PHF20: variants seen among roughly 807,000 people sequenced by gnomAD.
PHF20 encodes PHD finger protein 20.
In PHF20, 23 loss-of-function variants were observed where a neutral mutation model predicts 113.5. That is an observed-to-expected ratio of 0.20 (90% CI 0.15 to 0.29). PHF20 has a LOEUF of 0.29. Among genes scored for constraint, PHF20 ranks in the 10% least tolerant of loss-of-function variants. The pLI is 1.00. For synonymous variants in PHF20, 434 were observed against 457.3 expected, an observed-to-expected ratio of 0.95 and a Z score of 0.65; for missense variants, 943 against 1,219.6, an observed-to-expected ratio of 0.77 and a Z score of 3.38.
At chr20:35,834,217 A>G (rs2042400472) in intron 2 of PHF20, among the ~76,000 whole-genome samples, 4 of 147,116 alleles carry the variant, frequency 2.7e-5, no homozygotes, top group Admixed American at 2.7e-4. Flanking sequence ...GTTATGGGAT[A>G]TAGGCAGGCT....
At chr20:35,829,722 C>T (rs1177462398) in intron 2 of PHF20, among the ~76,000 whole-genome samples, 1 of 151,818 alleles carries the variant, frequency 6.6e-6, no homozygotes, top group African/African-American at 2.4e-5. Context: ...TAGCCGTGCG[C>T]CATGGCTCAT....
intron 13 of PHF20, among the ~76,000 whole-genome samples, chr20:35,919,625 T>C (rs954652694): frequency 1.3e-5 from 2 of 152,196 alleles, no homozygotes; most frequent in Non-Finnish European, 2.9e-5. Flanking sequence ...CTTGACTTAA[T>C]ATACAGTTAC....
At chr20:35,870,178 C>T (rs1004356570) in intron 7 of PHF20, among the ~76,000 whole-genome samples, 3 of 151,960 alleles carry the variant, frequency 2.0e-5, no homozygotes, top group Non-Finnish European at 4.4e-5. Flanking sequence ...GTGGCAGGCA[C>T]CTGTAGTCCC....
chr20:35,845,555 A>T (rs1358055472), intron 3 of PHF20: 1 of 162,284 alleles, frequency 6.2e-6, no homozygotes, highest in Admixed American at 6.2e-5. Context: ...TTTTGTAGAG[A>T]CAAGGTCTTA....
rs1766366733 is a variant in PHF20, at chr20:35,847,387, C to G, written c.293C>G (p.Ser98Cys). ...QINEQVLACW[S>C]DCRFYPAKVT... ...AATGAGCAGGTCCTTGCTTGCTGGTCTGATTGTCGTTTTTACCCGGCCAAA... is the reference window on the plus strand; with the variant it reads ...AATGAGCAGGTCCTTGCTTGCTGGTGTGATTGTCGTTTTTACCCGGCCAAA... The change falls in exon 4 of 18, where the codon TCT becomes TGT. Residue 98 changes from serine to cysteine, a missense_variant. Transcript: ENST00000374012. 6.2e-7 allele frequency: 1 copy of G among 1,607,778 alleles called. No individual in the cohort carries two copies. The highest frequency in any genetic ancestry group is 8.5e-7 in the Non-Finnish European group (1 of 1,176,836).
intron 1 of PHF20, among the ~76,000 whole-genome samples, chr20:35,781,069 T>G (rs2041285548): frequency 6.6e-6 from 1 of 151,882 alleles, no homozygotes; most frequent in Non-Finnish European, 1.5e-5. Flanking sequence ...GTCAGTCTGG[T>G]CTCGAACCCC....
intron 9 of PHF20, among the ~76,000 whole-genome samples, chr20:35,890,726 C>G (rs2054833073): frequency 6.6e-6 from 1 of 151,982 alleles, no homozygotes; most frequent in South Asian, 2.1e-4. Flanking sequence ...ACTAAAAATA[C>G]AAAATAATTA....
chr20:35,815,159 T>C (rs2042049468), intron 2 of PHF20, among the ~76,000 whole-genome samples: 1 of 152,098 alleles, frequency 6.6e-6, no homozygotes, highest in Non-Finnish European at 1.5e-5. Flanking sequence ...ATTGCGACAC[T>C]GGACTCCATC....
chr20:35,901,977 T>G (rs2055106453), intron 10 of PHF20, among the ~76,000 whole-genome samples: 1 of 127,100 alleles, frequency 7.9e-6, no homozygotes, highest in Non-Finnish European at 1.7e-5. Context: ...CCTGAGTTCT[T>G]GTGATTAGTT....
At chr20:35,935,344 C>T (rs1343742775) in intron 15 of PHF20, among the ~76,000 whole-genome samples, 2 of 152,016 alleles carry the variant, frequency 1.3e-5, no homozygotes, top group Non-Finnish European at 2.9e-5. Context: ...TGGCCCTGGC[C>T]CATATTCTGA....
At chr20:35,898,171 A>G (rs6058351) in intron 9 of PHF20, among the ~76,000 whole-genome samples, 39,737 of 152,118 alleles carry the variant, frequency 0.26, 6,253 homozygotes, top group African/African-American at 0.45. Flanking sequence ...CACTGCACCC[A>G]CCAAATCTGG....
intron 10 of PHF20, among the ~76,000 whole-genome samples, chr20:35,900,351 T>C (rs2055070863): frequency 6.6e-6 from 1 of 152,206 alleles, no homozygotes; most frequent in Non-Finnish European, 1.5e-5. Flanking sequence ...AGAGGTTTTC[T>C]ATTAAAATGT....
At chr20:35,876,528 G>A (rs1023431831) in intron 9 of PHF20, among the ~76,000 whole-genome samples, 2 of 151,988 alleles carry the variant, frequency 1.3e-5, no homozygotes, top group Admixed American at 6.5e-5. Context: ...CCGAGATTGC[G>A]CCCCTGCACC....
At chr20:35,888,952 ATTTATGTAGACT>A (rs1466400302) in intron 9 of PHF20, among the ~76,000 whole-genome samples, 1 of 145,196 alleles carries the variant, frequency 6.9e-6, no homozygotes, top group African/African-American at 2.5e-5. Context: ...TGAGACTGGG[ATTTATGTAGACT>A]TTGGCCCAGC....
At chr20:35,883,195 A>G (rs1005099013) in intron 9 of PHF20, among the ~76,000 whole-genome samples, 1 of 152,122 alleles carries the variant, frequency 6.6e-6, no homozygotes, top group Non-Finnish European at 1.5e-5. Flanking sequence ...AGCCTTGACA[A>G]CAGAGTGAGA....
chr20:35,793,029 C>T (rs902172728), intron 1 of PHF20, among the ~76,000 whole-genome samples: 4 of 152,170 alleles, frequency 2.6e-5, no homozygotes, highest in Non-Finnish European at 5.9e-5. Flanking sequence ...CACGGCAGAA[C>T]TTTGGCAAAA....
At chr20:35,837,834 C>T (rs944188828) in intron 2 of PHF20, among the ~76,000 whole-genome samples, 1 of 152,202 alleles carries the variant, frequency 6.6e-6, no homozygotes, top group Admixed American at 6.5e-5. Flanking sequence ...TCCACTAAAT[C>T]TTACCAGGTT....
chr20:35,859,260 A>G (rs1309457151), intron 5 of PHF20, among the ~76,000 whole-genome samples: 1 of 152,208 alleles, frequency 6.6e-6, no homozygotes, highest in Non-Finnish European at 1.5e-5. Flanking sequence ...TGGTTTGCAT[A>G]GATACGGGCC....
chr20:35,911,185 C>T (rs140741521), intron 10 of PHF20, among the ~76,000 whole-genome samples: 1,595 of 152,202 alleles, frequency 0.01, 18 homozygotes, highest in East Asian at 0.039. Context: ...GGACTACAGG[C>T]GCCCGCTACC....
Sources: allele counts gnomAD v4.1 joint callset (sites outside exome capture counted in the v4.1 genomes callset), GRCh38; gene constraint gnomAD v4.1.1; transcripts MANE v1.5; gene names NCBI Gene and HGNC (gene_info 2026-07-23, HGNC 2026-07-21).